PAPPA: variants seen among roughly 807,000 people sequenced by gnomAD.
PAPPA encodes the protein pappalysin-1.
Under a neutral mutation model 164.0 loss-of-function variants are expected in PAPPA, and 60 were observed. That is an observed-to-expected ratio of 0.37 (90% CI 0.30 to 0.45). PAPPA has a LOEUF of 0.45. PAPPA is among the 20% of genes least tolerant of loss of function. The pLI is 1.00. For synonymous variants in PAPPA, 875 were observed against 814.1 expected, an observed-to-expected ratio of 1.07 and a Z score of -1.27; for missense variants, 1,782 against 2,087.3, an observed-to-expected ratio of 0.85 and a Z score of 2.85.
intron 7 of PAPPA, among the ~76,000 whole-genome samples, chr9:116,244,252 G>C (rs1336806766): frequency 1.3e-5 from 2 of 152,072 alleles, no homozygotes; most frequent in African/African-American, 2.4e-5. Flanking sequence ...CACCAAAATT[G>C]CTTATATAAA....
chr9:116,169,310 CTTTTTTTTTTT>C (rs563871496), intron 1 of PAPPA, among the ~76,000 whole-genome samples: 5 of 52,150 alleles, frequency 9.6e-5, no homozygotes, highest in African/African-American at 3.6e-4. Context: ...CAAACCCATT[CTTTTTTTTTTT>C]TTTTTTTTTT....
intron 7 of PAPPA, among the ~76,000 whole-genome samples, chr9:116,251,996 T>G (rs1193732379): frequency 6.6e-6 from 1 of 152,214 alleles, no homozygotes; most frequent in African/African-American, 2.4e-5. Flanking sequence ...TATTTTGTTT[T>G]ATTGCACCAA....
At chr9:116,332,154 C>T (rs1461811565) in intron 11 of PAPPA, among the ~76,000 whole-genome samples, 179 bp from the exon 12 acceptor site, 2 of 152,172 alleles carry the variant, frequency 1.3e-5, no homozygotes, top group Admixed American at 1.3e-4. Context: ...TTTCTGATCT[C>T]AGAGCCTGTG....
chr9:116,334,048 G>T (rs142027974), intron 12 of PAPPA, among the ~76,000 whole-genome samples: 158 of 152,110 alleles, frequency 1.0e-3, no homozygotes, highest in African/African-American at 3.7e-3. Flanking sequence ...AGTTTTAGGG[G>T]CTTTCTGGAG....
intron 7 of PAPPA, among the ~76,000 whole-genome samples, chr9:116,239,360 C>T (rs1428472152): frequency 6.6e-6 from 1 of 152,158 alleles, no homozygotes; most frequent in Non-Finnish European, 1.5e-5. Context: ...CACAAAGACA[C>T]ACCGCATCAC....
intron 4 of PAPPA, among the ~76,000 whole-genome samples, chr9:116,213,301 A>C (rs1844331591): frequency 6.6e-6 from 1 of 152,140 alleles, no homozygotes; most frequent in Admixed American, 6.6e-5. Context: ...CTGCTTGTCC[A>C]TTTGGGCTGA....
At chr9:116,288,549 C>T (rs74421943) in intron 9 of PAPPA, 44 of 150,872 alleles carry the variant, frequency 2.9e-4, no homozygotes, top group African/African-American at 1.0e-3. Context: ...CATATACACA[C>T]CTTGTTAAAG....
chr9:116,386,808 G>A (rs778929960), intron 21 of PAPPA, among the ~76,000 whole-genome samples: 1 of 152,106 alleles, frequency 6.6e-6, no homozygotes. Flanking sequence ...AGATGGGGTC[G>A]GGGGAAGATA....
At position 116,328,232 on chromosome 9, in the gene PAPPA, G is replaced by A. The variant is rs114863891; in HGVS notation, c.3148-3012G>A. Among the ~76,000 whole-genome samples, 482 of 152,250 alleles carry A rather than the reference G, an allele frequency of 3.2e-3. 1 individual carries two copies. The highest frequency in any genetic ancestry group is 0.011 in the African/African-American group (457 of 41,552). ...AAAGAATTCCAAAATGATACATGTCGAATTGCTGGCCTGGATTTCAAATTC... is the reference window on the plus strand; with the variant it reads ...AAAGAATTCCAAAATGATACATGTCAAATTGCTGGCCTGGATTTCAAATTC... On this transcript the variant is annotated intron_variant, in intron 10 of 21. Coordinates refer to ENST00000328252, the MANE Select transcript of PAPPA (RefSeq NM_002581.5).
At chr9:116,329,067 C>T (rs1845956989) in intron 10 of PAPPA, among the ~76,000 whole-genome samples, 1 of 152,118 alleles carries the variant, frequency 6.6e-6, no homozygotes, top group Non-Finnish European at 1.5e-5. Flanking sequence ...CTGGCATTTT[C>T]CAAGACCTCC....
chr9:116,373,258 A>T (rs1344979163), intron 19 of PAPPA: 7 of 151,946 alleles, frequency 4.6e-5, no homozygotes, highest in Non-Finnish European at 1.0e-4. Flanking sequence ...CGTTCATTTG[A>T]TTGTCCATTT....
At chr9:116,176,151 G>A (rs1055791178) in intron 1 of PAPPA, among the ~76,000 whole-genome samples, 4 of 152,178 alleles carry the variant, frequency 2.6e-5, no homozygotes, top group African/African-American at 9.7e-5. Context: ...AAAGGACAGG[G>A]ACAATAGGGA....
chr9:116,206,470 TA>T (rs1289383212), intron 2 of PAPPA, among the ~76,000 whole-genome samples: 1 of 152,136 alleles, frequency 6.6e-6, no homozygotes, highest in Admixed American at 6.6e-5. Flanking sequence ...GAGGCCCCAT[TA>T]GTCAGGAATT....
chr9:116,329,180 A>G (rs1845958832), intron 10 of PAPPA, among the ~76,000 whole-genome samples: 1 of 152,132 alleles, frequency 6.6e-6, no homozygotes, highest in Non-Finnish European at 1.5e-5. Context: ...TAGAATATAG[A>G]TGGGATTCTC....
intron 13 of PAPPA, 51 bp downstream of exon 13, chr9:116,335,125 A>G: frequency 6.9e-7 from 1 of 1,459,818 alleles, no homozygotes; most frequent in South Asian, 1.1e-5. Context: ...CCGAGTGGAG[A>G]CAGTGTGATT....
At chr9:116,308,073 A>G (rs1845669676) in intron 10 of PAPPA, among the ~76,000 whole-genome samples, 1 of 152,250 alleles carries the variant, frequency 6.6e-6, no homozygotes, top group Admixed American at 6.5e-5. Flanking sequence ...AGCTCAGTCA[A>G]CATTTTGTTG....
chr9:116,366,829 G>T (rs1179848064), intron 18 of PAPPA, among the ~76,000 whole-genome samples: 2 of 152,168 alleles, frequency 1.3e-5, no homozygotes, highest in Non-Finnish European at 2.9e-5. Context: ...AACCATGAAG[G>T]TCTTCTCTGA....
At chr9:116,374,567 A>C (rs1846625038) in intron 19 of PAPPA, among the ~76,000 whole-genome samples, 1 of 152,230 alleles carries the variant, frequency 6.6e-6, no homozygotes, top group East Asian at 1.9e-4. Flanking sequence ...AAATAGGCTT[A>C]TGCAGATAGT....
intron 3 of PAPPA, among the ~76,000 whole-genome samples, chr9:116,208,782 C>T (rs1039564137): frequency 7.9e-5 from 12 of 152,186 alleles, no homozygotes; most frequent in South Asian, 4.1e-4. Context: ...TCCCTCCAGA[C>T]GACTCTCATT....
Sources: gnomAD v4.1 joint callset for allele counts (sites outside exome capture counted in the v4.1 genomes callset) on GRCh38, gnomAD v4.1.1 for gene constraint, MANE v1.5 for transcripts, NCBI Gene and HGNC (gene_info 2026-07-23, HGNC 2026-07-21) for gene names.